The following CPHXL2 variants were observed in gnomAD, a reference collection of about 807,000 sequenced individuals.
CPHXL2 encodes cytoplasmic polyadenylated homeobox-like protein 2.
chr16:75,665,729 G>A, the CPHXL2 span, among the ~76,000 whole-genome samples: 1 of 152,148 alleles, frequency 6.6e-6, no homozygotes, highest in African/African-American at 2.4e-5. Flanking sequence ...TGGACATGGT[G>A]GCAGGCGTCT....
At chr16:75,670,409 C>CT in the CPHXL2 span, among the ~76,000 whole-genome samples, 12 of 152,120 alleles carry the variant, frequency 7.9e-5, no homozygotes, top group Admixed American at 7.9e-4. Context: ...TGAGTGCTCT[C>CT]TGAGTTCCAT....
the CPHXL2 span, among the ~76,000 whole-genome samples, chr16:75,672,213 A>T: frequency 6.6e-6 from 1 of 151,668 alleles, no homozygotes; most frequent in Non-Finnish European, 1.5e-5. Flanking sequence ...TGGGAGGCGG[A>T]GATTTTAGTG....
At chr16:75,665,363 G>A in the CPHXL2 span, among the ~76,000 whole-genome samples, 7 of 152,238 alleles carry the variant, frequency 4.6e-5, no homozygotes, top group East Asian at 5.8e-4. Context: ...TATCAGCCAA[G>A]AATTTTGTAT....
chr16:75,676,281 A>G, the CPHXL2 span, among the ~76,000 whole-genome samples: 1 of 152,150 alleles, frequency 6.6e-6, no homozygotes, highest in Non-Finnish European at 1.5e-5. Flanking sequence ...ATCACAGAAT[A>G]AAAAACTGCC....
At chr16:75,664,625 C>CAAAAAAAAA in the CPHXL2 span, among the ~76,000 whole-genome samples, 3 of 113,026 alleles carry the variant, frequency 2.7e-5, no homozygotes, top group African/African-American at 7.2e-5. Context: ...AACTCCATCT[C>CAAAAAAAAA]AAAAAAAAAA....
the CPHXL2 span, among the ~76,000 whole-genome samples, chr16:75,668,226 TATA>T: frequency 0.022 from 2,154 of 97,108 alleles, 65 homozygotes; most frequent in African/African-American, 0.18. Context: ...TATATATACA[TATA>T]TATTTTTTTT....
the CPHXL2 span, among the ~76,000 whole-genome samples, chr16:75,675,921 A>G: frequency 6.6e-6 from 1 of 152,240 alleles, no homozygotes; most frequent in Admixed American, 6.5e-5. Flanking sequence ...TCTACTAAAA[A>G]TACTAAAATT....
the CPHXL2 span, among the ~76,000 whole-genome samples, chr16:75,664,496 G>T: frequency 2.6e-5 from 4 of 151,790 alleles, no homozygotes; most frequent in African/African-American, 9.7e-5. Context: ...ATGGCGGCAC[G>T]TGCCTGTAAT....
At chr16:75,668,619 C>T in the CPHXL2 span, among the ~76,000 whole-genome samples, 3 of 152,180 alleles carry the variant, frequency 2.0e-5, no homozygotes, top group Non-Finnish European at 4.4e-5. Context: ...TTACATAAAA[C>T]TGTGTAGAAT....
chr16:75,664,041 A>G, the CPHXL2 span, among the ~76,000 whole-genome samples: 1 of 152,168 alleles, frequency 6.6e-6, no homozygotes, highest in Non-Finnish European at 1.5e-5. Flanking sequence ...ATTCCTTTCT[A>G]GTGATAAAAA....
At chr16:75,661,995 C>G in the CPHXL2 span, among the ~76,000 whole-genome samples, 1 of 152,184 alleles carries the variant, frequency 6.6e-6, no homozygotes, top group African/African-American at 2.4e-5. Context: ...CTGTCAGATC[C>G]CACAGGTCGA....
the CPHXL2 span, among the ~76,000 whole-genome samples, chr16:75,661,781 A>G: frequency 6.6e-6 from 1 of 152,158 alleles, no homozygotes; most frequent in African/African-American, 2.4e-5. Flanking sequence ...AATTGTTTCA[A>G]TTATTTATTG....
the CPHXL2 span, among the ~76,000 whole-genome samples, chr16:75,672,263 AG>A: frequency 1.3e-5 from 2 of 151,154 alleles, no homozygotes; most frequent in Non-Finnish European, 2.9e-5. Flanking sequence ...TGGGCTACAG[AG>A]TGAGACTCCA....
chr16:75,676,625 A>G, the CPHXL2 span, among the ~76,000 whole-genome samples: 23 of 152,132 alleles, frequency 1.5e-4, no homozygotes, highest in African/African-American at 5.6e-4. Flanking sequence ...TCCAGCCTCA[A>G]TTGCTCTCTG....
chr16:75,673,972 C>G, the CPHXL2 span, among the ~76,000 whole-genome samples: 9 of 117,696 alleles, frequency 7.6e-5, no homozygotes, highest in African/African-American at 2.9e-4. Flanking sequence ...AGAGAGAGAT[C>G]TCGTCTTAAA....
At chr16:75,661,637 C>G in the CPHXL2 span, among the ~76,000 whole-genome samples, 1 of 151,920 alleles carries the variant, frequency 6.6e-6, no homozygotes, top group Non-Finnish European at 1.5e-5. Flanking sequence ...GTGGATTGTT[C>G]CTACAACCCT....
chr16:75,665,358 G>A, the CPHXL2 span, among the ~76,000 whole-genome samples: 1 of 152,262 alleles, frequency 6.6e-6, no homozygotes, highest in African/African-American at 2.4e-5. Flanking sequence ...ACAATTATCA[G>A]CCAAGAATTT....
chr16:75,675,555 G>C, the CPHXL2 span, among the ~76,000 whole-genome samples: 1 of 152,052 alleles, frequency 6.6e-6, no homozygotes, highest in Non-Finnish European at 1.5e-5. Context: ...AAAATGTTTG[G>C]AAGTCTTGTC....
the CPHXL2 span, among the ~76,000 whole-genome samples, chr16:75,672,412 A>G: frequency 6.6e-6 from 1 of 152,140 alleles, no homozygotes; most frequent in Non-Finnish European, 1.5e-5. Flanking sequence ...CCACAAATGT[A>G]CAGTAGGAAA....
Sources: gnomAD v4.1 joint callset for allele counts (sites outside exome capture counted in the v4.1 genomes callset) on GRCh38, gnomAD v4.1.1 for gene constraint, MANE v1.5 for transcripts, NCBI Gene and HGNC (gene_info 2026-07-23, HGNC 2026-07-21) for gene names.